SSR1: variants seen among roughly 807,000 people sequenced by gnomAD.
The protein encoded by SSR1 is translocon-associated protein subunit alpha.
In SSR1, 13 loss-of-function variants were observed where a neutral mutation model predicts 36.1. The ratio of observed to expected loss-of-function variants is 0.36; its 90% confidence interval spans 0.23 to 0.57. SSR1 has a LOEUF of 0.57. SSR1 is among the 20% of genes least tolerant of loss of function. The pLI, the probability that SSR1 is intolerant of heterozygous loss-of-function variation, is 0.81. For synonymous variants in SSR1, 113 were observed against 118.9 expected (o/e 0.95, Z 0.32); for missense variants, 291 against 338.5 (o/e 0.86, Z 1.10).
In SSR1 at chr6:7,288,626, T is replaced by C. The variant is rs1382253318; in HGVS notation, c.*1238A>G. The C allele has an allele frequency of 2.6e-5, 4 of 152,612 alleles. No individual in the cohort carries two copies. The highest frequency in any genetic ancestry group is 2.0e-4 in the Admixed American group (3 of 15,270). 9.5% of individuals were successfully genotyped at this position (152,612 alleles called of 1,614,324 possible). A position where few individuals can be genotyped will look rare whatever the true frequency, so the allele number is the denominator to read the frequency against. ...CTTATAAAATACATGTAGGAGAATA[T>C]GGCTTAAAGACAAGAGGGGGAGAGC... On this transcript the variant is annotated 3_prime_UTR_variant, in exon 8 of 8. Transcript: ENST00000244763.
In SSR1 at chr6:7,313,076, G is replaced by C; in HGVS notation, c.45C>G (p.Phe15Leu). The C allele has an allele frequency of 1.2e-6, 2 of 1,608,854 alleles. No homozygotes were observed. The highest frequency in any genetic ancestry group is 1.7e-6 in the Non-Finnish European group (2 of 1,177,534). The change falls in exon 1 of 8, where the codon TTC becomes TTG. Residue 15 changes from phenylalanine (F) to leucine (L), a missense_variant. Transcript: ENST00000244763. ...CGCCTCGGAACAAGACAGTGGCAGG[G>C]AACACGAGTAAGAGAAGCAGCAGCA... is the stretch of plus-strand genomic sequence containing the variant. ...PRLLLLLLLV[F>L]PATVLFRGGP...
rs1425210833 is a variant in SSR1, at chr6:7,301,527, T to C, written c.326A>G (p.Asn109Ser). Residue 109 changes from asparagine (N) to serine (S), a missense_variant, in exon 4 of 8, where the codon AAC becomes AGC. By Grantham distance (46) the Asn-to-Ser change is conservative. Transcript: ENST00000244763. ...AACAATAAAATCTTCTGTACCCTTG[T>C]TGGTAAAGCCTACCAGGAACTTCAC... ...NIVKFLVGFTNKGTEDFIVES... is the reference protein window; with the variant it reads ...NIVKFLVGFTSKGTEDFIVES... The C allele has an allele frequency of 6.2e-7, 1 of 1,613,914 alleles. No homozygotes were observed. The highest frequency in any genetic ancestry group is 1.7e-4 in the Middle Eastern group (1 of 6,060).
intron 1 of SSR1, among the ~76,000 whole-genome samples, chr6:7,311,774 T>A (rs9328409): frequency 0.31 from 46,465 of 152,070 alleles, 7,876 homozygotes; most frequent in African/African-American, 0.46. Flanking sequence ...AAAAACCGTT[T>A]CTCACAAAAA....
At chr6:7,291,085 A>C (rs1435431178) in intron 7 of SSR1, among the ~76,000 whole-genome samples, 3 of 152,104 alleles carry the variant, frequency 2.0e-5, no homozygotes, top group African/African-American at 7.2e-5. Context: ...CATTTTTCAA[A>C]GAAATCTCCT....
intron 1 of SSR1, among the ~76,000 whole-genome samples, chr6:7,312,285 C>A (rs765371158): frequency 6.6e-6 from 1 of 152,182 alleles, no homozygotes; most frequent in Non-Finnish European, 1.5e-5. Context: ...TAAAAACACT[C>A]GAAGTAGGCC....
Position 7,313,047 on chromosome 6 carries a change from G to C in SSR1, c.74C>G (p.Pro25Arg). 1 of 1,604,100 alleles carries C rather than the reference G, an allele frequency of 6.2e-7. No homozygotes were observed. Among genetic ancestry groups the C allele is most frequent in the Non-Finnish European group, 8.5e-7 (1 of 1,175,386 alleles). ...FPATVLFRGG[P>R]RGLLAVAQDL... The stretch of plus-strand genomic sequence containing the variant: ...GCACACTCCCCCAGCCTCACCTCTG[G>C]GGCCGCCTCGGAACAAGACAGTGGC... Residue 25 changes from proline (P) to arginine (R), a missense_variant, in exon 1 of 8, where the codon CCC becomes CGC. By Grantham distance (103) the Pro-to-Arg change is moderately radical. Transcript: ENST00000244763.
At position 7,294,552 on chromosome 6, in the gene SSR1, G is replaced by A. The variant is rs145488191; in HGVS notation, c.793+840C>T. Among the ~76,000 whole-genome samples, 37 of 152,276 alleles carry A rather than the reference G, an allele frequency of 2.4e-4. 1 individual carries two copies. In the East Asian group the frequency reaches 5.8e-3, roughly 24 times the overall value. ...AAAATACAAAAAAAATTAGCCGGGCGTGGTGGCACGTGCCTGTAATCCCAG... is the reference window on the plus strand; with the variant it reads ...AAAATACAAAAAAAATTAGCCGGGCATGGTGGCACGTGCCTGTAATCCCAG... On this transcript the variant is annotated intron_variant, in intron 7 of 7. Coordinates refer to ENST00000244763, the MANE Select transcript of SSR1 (RefSeq NM_003144.5).
rs763971926 is a variant in SSR1, at chr6:7,289,883, G to A, written c.842C>T (p.Ser281Leu). The change falls in exon 8 of 8, where the codon TCA becomes TTA. Residue 281 changes from serine (S) to leucine (L), a missense_variant. By Grantham distance (145) the Ser-to-Leu change is moderately radical. Coordinates refer to ENST00000244763, the MANE Select transcript of SSR1 (RefSeq NM_003144.5). ...GAACATTTACTCATCAGATCCCACT[G>A]ATCTCTTCTGTGCCCGTTTCCTGGG... is the stretch of plus-strand genomic sequence containing the variant. ...RLPRKRAQKR[S>L]VGSDE 2.6e-6 allele frequency: 4 copies of A among 1,558,748 alleles called. No individual in the cohort carries two copies. The African/African-American group carries it at 5.6e-5, about 22-fold the overall frequency.
chr6:7,287,500 G>A lies in SSR1; in HGVS notation c.*2364C>T, dbSNP rs970197314. The A allele has an allele frequency of 2.0e-5, 3 of 152,164 alleles. No individual in the cohort carries two copies. Among genetic ancestry groups the A allele is most frequent in the Non-Finnish European group, 4.4e-5 (3 of 68,038 alleles). 9.4% of individuals were successfully genotyped at this position (152,164 alleles called of 1,614,324 possible). A position where few individuals can be genotyped will look rare whatever the true frequency, so the allele number is the denominator to read the frequency against. The stretch of plus-strand genomic sequence containing the variant: ...TCCTCTCCTGGGACAATGCTTTAGA[G>A]GGCAGATTAGCCCTGAAAGTCACCA... On this transcript the variant is annotated 3_prime_UTR_variant, in exon 8 of 8. Coordinates refer to ENST00000244763, the MANE Select transcript of SSR1 (RefSeq NM_003144.5).
chr6:7,305,115 G>C lies in SSR1; in HGVS notation c.193-1478C>G, dbSNP rs564218547. Among the ~76,000 whole-genome samples, 6 of 152,240 alleles carry C rather than the reference G, an allele frequency of 3.9e-5. No homozygotes were observed. The East Asian group carries it at 1.2e-3, about 29-fold the overall frequency. On this transcript the variant is annotated intron_variant, in intron 2 of 7. Coordinates refer to ENST00000244763, the MANE Select transcript of SSR1 (RefSeq NM_003144.5). ...AAATGACAGGGATAGACAGGAACAG[G>C]GTATATTTCAGCAAGAGAAATCCCT... is the stretch of plus-strand genomic sequence containing the variant.
chr6:7,308,179 T>C (rs79709656), intron 2 of SSR1, among the ~76,000 whole-genome samples: 5,101 of 152,282 alleles, frequency 0.033, 139 homozygotes, highest in Non-Finnish European at 0.053. Flanking sequence ...GACTCACAGA[T>C]AATCAGTAAG....
At position 7,286,559 on chromosome 6, in the gene SSR1, G is replaced by A. The variant is rs1757559130; in HGVS notation, c.*3305C>T. 1 of 152,148 alleles carries A rather than the reference G, an allele frequency of 6.6e-6. No homozygotes were observed. Among genetic ancestry groups the A allele is most frequent in the Non-Finnish European group, 1.5e-5 (1 of 68,028 alleles). 9.4% of individuals were successfully genotyped at this position (152,148 alleles called of 1,614,324 possible). A position where few individuals can be genotyped will look rare whatever the true frequency, so the allele number is the denominator to read the frequency against. On this transcript the variant is annotated 3_prime_UTR_variant, in exon 8 of 8. Transcript: ENST00000244763. Reference sequence around the variant, plus strand: ...GAGCTCAAAGTAGAGTTTTACTTAAGAAAATTGGGGCAAACATTGATTTTA... The same window carrying A: ...GAGCTCAAAGTAGAGTTTTACTTAAAAAAATTGGGGCAAACATTGATTTTA...
rs1451166110 is a variant in SSR1 at position 7,283,905 on chromosome 6, TG to T, written c.*5958del. 1 of 152,244 alleles carries T rather than the reference TG, an allele frequency of 6.6e-6. No homozygotes were observed. The highest frequency in any genetic ancestry group is 1.5e-5 in the Non-Finnish European group (1 of 68,058). 9.4% of individuals were successfully genotyped at this position (152,244 alleles called of 1,614,324 possible). On this transcript the variant is annotated 3_prime_UTR_variant, in exon 8 of 8. Transcript: ENST00000244763. Reference sequence around the variant, plus strand: ...CAAACGTGAGGAGTGAGTGCCTCTGTGCTCCTTGAGGCTGTTTCATTACAGA... The same window carrying T: ...CAAACGTGAGGAGTGAGTGCCTCTGTCTCCTTGAGGCTGTTTCATTACAGA...
chr6:7,306,712 C>T (rs553247140), intron 2 of SSR1, among the ~76,000 whole-genome samples: 48 of 151,288 alleles, frequency 3.2e-4, no homozygotes, highest in Admixed American at 1.4e-3. Context: ...GTCAGGAGAT[C>T]GAGACCATCC....
In SSR1 at chr6:7,298,757, C is replaced by T. The variant is rs556997892; in HGVS notation, c.610G>A (p.Asp204Asn). The T allele has an allele frequency of 6.2e-7, 1 of 1,612,914 alleles. No homozygotes were observed. The highest frequency in any genetic ancestry group is 1.1e-5 in the South Asian group (1 of 91,058). The change falls in exon 5 of 8, where the codon GAT becomes AAT. Residue 204 changes from aspartate (D) to asparagine (N), a missense_variant. By Grantham distance (23) the Asp-to-Asn change is conservative. Transcript: ENST00000244763. ...VTVIEREDGL[D>N]GETIFMYMFL... Reference sequence around the variant, plus strand: ...ACAACTTTCACTTACGTTTCTCCATCTAACCCATCCTCTCTTTCAATAACT... The same window carrying T: ...ACAACTTTCACTTACGTTTCTCCATTTAACCCATCCTCTCTTTCAATAACT...
rs1757858330 is a variant in SSR1, at chr6:7,298,731, T to C, written c.620+16A>G. On this transcript the variant is annotated intron_variant, in intron 5 of 7. Transcript: ENST00000244763. Reference sequence around the variant, plus strand: ...ACGAGCAAAATCAAGATCTACATACTACAACTTTCACTTACGTTTCTCCAT... The same window carrying C: ...ACGAGCAAAATCAAGATCTACATACCACAACTTTCACTTACGTTTCTCCAT... The C allele has an allele frequency of 6.2e-7, 1 of 1,601,366 alleles. No homozygotes were observed. The highest frequency in any genetic ancestry group is 1.3e-5 in the African/African-American group (1 of 74,784).
At chr6:7,294,376 TATAAAC>T (rs1466095440) in intron 7 of SSR1, among the ~76,000 whole-genome samples, 1 of 152,062 alleles carries the variant, frequency 6.6e-6, no homozygotes, top group Non-Finnish European at 1.5e-5. Context: ...TAATGGAAAA[TATAAAC>T]ATAATACCAT....
intron 1 of SSR1, among the ~76,000 whole-genome samples, chr6:7,311,727 G>A (rs1038072039): frequency 6.6e-6 from 1 of 151,064 alleles, no homozygotes; most frequent in Non-Finnish European, 1.5e-5. Context: ...TCCCCATGAA[G>A]TCTAACAGTC....
intron 3 of SSR1, among the ~76,000 whole-genome samples, chr6:7,302,692 G>A (rs1245929250): frequency 6.6e-6 from 1 of 151,088 alleles, no homozygotes; most frequent in Admixed American, 6.6e-5. Flanking sequence ...AACCTGGGAG[G>A]CAGAGGTTGC....
Sources: gnomAD v4.1 joint callset for allele counts (sites outside exome capture counted in the v4.1 genomes callset) on GRCh38, gnomAD v4.1.1 for gene constraint, MANE v1.5 for transcripts, NCBI Gene and HGNC (gene_info 2026-07-23, HGNC 2026-07-21) for gene names.